ZNF506: variants seen among roughly 807,000 people sequenced by gnomAD.
ZNF506 encodes zinc finger protein 506.
ZNF506 carries 10 observed loss-of-function variants against 11.6 expected under a neutral mutation model. The observed-to-expected ratio is 0.86, with a 90% confidence interval of 0.53 to 1.46. The LOEUF (loss-of-function observed/expected upper bound fraction) is 1.46, where lower values mean the gene tolerates loss of function less well. ZNF506 is among the 40% of genes most tolerant of loss of function. ZNF506 has a pLI of 0.00. For synonymous variants in ZNF506, 156 were observed against 173.3 expected, an observed-to-expected ratio of 0.90 and a Z score of 0.78; for missense variants, 425 against 521.2, an observed-to-expected ratio of 0.82 and a Z score of 1.80.
intron 1 of ZNF506, among the ~76,000 whole-genome samples, chr19:19,812,027 A>T (rs2062887293): frequency 6.6e-6 from 1 of 151,648 alleles, no homozygotes; most frequent in Admixed American, 6.6e-5. Context: ...AAATGGCTAT[A>T]TGAAATGGAA....
At chr19:19,797,959 TG>T (rs1181624935) in intron 3 of ZNF506, 1 of 152,198 alleles carries the variant, frequency 6.6e-6, no homozygotes, top group Non-Finnish European at 1.5e-5. Context: ...GAAAGTATAT[TG>T]GCACTGCATA....
In ZNF506 at chr19:19,801,160, TA is replaced by T. The variant is rs530563189; in HGVS notation, c.226+4870del. ...GGGCAACAAGAGCAAAACTCCCTTTTAAAAAAAATAAAAAAAGAAAAGAAAA... is the reference window on the plus strand; with the variant it reads ...GGGCAACAAGAGCAAAACTCCCTTTTAAAAAAATAAAAAAAGAAAAGAAAA... On this transcript the variant is annotated intron_variant, in intron 3 of 3. Transcript: ENST00000540806. 4.0e-5 allele frequency among the ~76,000 whole-genome samples: 6 copies of T among 150,064 alleles called. No homozygotes were observed. The South Asian group carries it at 8.4e-4, about 21-fold the overall frequency.
intron 1 of ZNF506, among the ~76,000 whole-genome samples, chr19:19,821,222 A>G (rs1409412338): frequency 1.3e-5 from 2 of 152,090 alleles, no homozygotes; most frequent in Admixed American, 6.5e-5. Context: ...ATAGGAGAAA[A>G]GAGAAACTGT....
chr19:19,803,913 C>T (rs1174464540), intron 3 of ZNF506, among the ~76,000 whole-genome samples: 1 of 152,042 alleles, frequency 6.6e-6, no homozygotes, highest in Non-Finnish European at 1.5e-5. Context: ...GTTTGTAGAT[C>T]ATACAATCTT....
At chr19:19,817,052 C>T (rs1248840712) in intron 1 of ZNF506, among the ~76,000 whole-genome samples, 3 of 151,652 alleles carry the variant, frequency 2.0e-5, no homozygotes, top group Non-Finnish European at 2.9e-5. Context: ...CCACCTGCCT[C>T]GGCTTCCCAA....
chr19:19,798,981 G>A (rs1422589631), intron 3 of ZNF506: 1 of 152,248 alleles, frequency 6.6e-6, no homozygotes, highest in East Asian at 1.9e-4. Context: ...GCAAGACCAA[G>A]TAGAAATTTC....
At chr19:19,799,879 A>G (rs1287410627) in intron 3 of ZNF506, among the ~76,000 whole-genome samples, 2 of 152,198 alleles carry the variant, frequency 1.3e-5, no homozygotes, top group African/African-American at 4.8e-5. Context: ...CTTCAAAAAA[A>G]AAAAAAAATG....
chr19:19,806,791 T>C lies in ZNF506; in HGVS notation c.130+151A>G, dbSNP rs919866559. On this transcript the variant is annotated intron_variant, in intron 2 of 3. Transcript: ENST00000540806. ...GATGAAACATCATGAAGAAATTCTTTTCTAAATGAAAAAATTCTGAAGATT... is the reference window on the plus strand; with the variant it reads ...GATGAAACATCATGAAGAAATTCTTCTCTAAATGAAAAAATTCTGAAGATT... The C allele has an allele frequency of 1.2e-5, 12 of 993,112 alleles. No individual in the cohort carries two copies. In the African/African-American group the frequency reaches 1.7e-4, roughly 14 times the overall value. The allele number at this position is 993,112 out of a possible 1,614,324, so 61.5% of individuals were successfully genotyped here. A position where few individuals can be genotyped will look rare whatever the true frequency, so the allele number is the denominator to read the frequency against.
intron 3 of ZNF506, among the ~76,000 whole-genome samples, chr19:19,800,214 G>C (rs2062778259): frequency 6.6e-6 from 1 of 151,856 alleles, no homozygotes; most frequent in Non-Finnish European, 1.5e-5. Flanking sequence ...GACAGAGACT[G>C]TATGAGATAT....
In ZNF506 at chr19:19,800,370, ATAAT is replaced by A. The variant is rs779683750; in HGVS notation, c.227-4714_227-4711del. 2.0e-3 allele frequency among the ~76,000 whole-genome samples: 284 copies of A among 145,236 alleles called. 3 individuals carry two copies. Among genetic ancestry groups the A allele is most frequent in the Non-Finnish European group, 3.2e-3 (213 of 67,104 alleles). On this transcript the variant is annotated intron_variant, in intron 3 of 3. Coordinates refer to ENST00000540806, the MANE Select transcript of ZNF506 (RefSeq NM_001099269.3). ...GTGATATGTTGCATAATATGTCAAC[ATAAT>A]TAATATAACTAAACAGAATATATAT...
intron 1 of ZNF506, among the ~76,000 whole-genome samples, chr19:19,816,515 G>A (rs931128870): frequency 5.3e-5 from 8 of 152,082 alleles, no homozygotes; most frequent in Non-Finnish European, 1.2e-4. Context: ...CTGCCACCAC[G>A]CCTGGCTAAT....
intron 3 of ZNF506, among the ~76,000 whole-genome samples, chr19:19,804,507 T>C (rs897223965): frequency 6.6e-6 from 1 of 152,210 alleles, no homozygotes; most frequent in African/African-American, 2.4e-5. Context: ...AGTTCAACCA[T>C]TGTGGAAGAC....
rs991084117 is a variant in ZNF506 at position 19,821,747 on chromosome 19, C to A, written c.-144G>T. 2.8e-6 allele frequency: 3 copies of A among 1,082,176 alleles called. No individual in the cohort carries two copies. The African/African-American group carries it at 4.7e-5, about 17-fold the overall frequency. The allele number at this position is 1,082,176 out of a possible 1,614,324, so 67.0% of individuals were successfully genotyped here. On this transcript the variant is annotated 5_prime_UTR_variant, in exon 1 of 4. Coordinates refer to ENST00000540806, the MANE Select transcript of ZNF506 (RefSeq NM_001099269.3). ...CTGGATCTCTGGCGTCAGCGAGAGA[C>A]AATGGGCCCGCCAAAGCCGGAAGCC...
In ZNF506 at chr19:19,793,347, A is replaced by G. The variant is rs60287284; in HGVS notation, c.*1205T>C. Reference sequence around the variant, plus strand: ...TATTTTTTTCATATTTACATCTGCAAAAATATACTTTAGTATAAACTCTCT... The same window carrying G: ...TATTTTTTTCATATTTACATCTGCAGAAATATACTTTAGTATAAACTCTCT... On this transcript the variant is annotated 3_prime_UTR_variant, in exon 4 of 4. Coordinates refer to ENST00000540806, the MANE Select transcript of ZNF506 (RefSeq NM_001099269.3). Among the ~76,000 whole-genome samples the G allele has an allele frequency of 0.064, 9,774 of 152,236 alleles. 915 individuals are homozygous for G. Among genetic ancestry groups the G allele is most frequent in the African/African-American group, 0.21 (8,561 of 41,512 alleles).
At chr19:19,812,880 A>C (rs2145200323) in intron 1 of ZNF506, among the ~76,000 whole-genome samples, 1 of 152,342 alleles carries the variant, frequency 6.6e-6, no homozygotes, top group East Asian at 1.9e-4. Context: ...CAGCATGAGA[A>C]ACATGAACAT....
At chr19:19,815,739 T>G (rs2062925641) in intron 1 of ZNF506, among the ~76,000 whole-genome samples, 1 of 152,212 alleles carries the variant, frequency 6.6e-6, no homozygotes, top group Non-Finnish European at 1.5e-5. Flanking sequence ...CAGATGCCAG[T>G]CACAAACCCC....
chr19:19,812,367 T>C (rs977460110), intron 1 of ZNF506, among the ~76,000 whole-genome samples: 1 of 152,266 alleles, frequency 6.6e-6, no homozygotes, highest in African/African-American at 2.4e-5. Context: ...GGAACTTCCC[T>C]GGTGGAACTC....
At chr19:19,802,885 G>C (rs2062806568) in intron 3 of ZNF506, among the ~76,000 whole-genome samples, 1 of 152,166 alleles carries the variant, frequency 6.6e-6, no homozygotes, top group Non-Finnish European at 1.5e-5. Flanking sequence ...GCCTTTATGA[G>C]AAAACCAGGC....
chr19:19,805,691 T>A (rs1448449934), intron 3 of ZNF506, among the ~76,000 whole-genome samples: 1 of 152,060 alleles, frequency 6.6e-6, no homozygotes, highest in African/African-American at 2.4e-5. Context: ...TTTCTCAAAA[T>A]CATGCAGATA....
Sources: gnomAD v4.1 joint callset for allele counts (sites outside exome capture counted in the v4.1 genomes callset) on GRCh38, gnomAD v4.1.1 for gene constraint, MANE v1.5 for transcripts, NCBI Gene and HGNC (gene_info 2026-07-23, HGNC 2026-07-21) for gene names.